Variants in SFXN5 observed in about 807,000 individuals in gnomAD.
SFXN5 encodes sideroflexin 5.
SFXN5 carries 43 observed loss-of-function variants against 50.2 expected under a neutral mutation model. The ratio of observed to expected loss-of-function variants is 0.86; its 90% CI spans 0.67 to 1.11. The LOEUF is 1.11. SFXN5 is among the 50% of genes least tolerant of loss of function. SFXN5 has a pLI of 0.00. For missense variants in SFXN5, 463 were observed against 454.1 expected (o/e 1.02, Z -0.18); for synonymous variants, 203 against 185.8 (o/e 1.09, Z -0.75).
Position 72,945,881 on chromosome 2 carries a change from G to A in SFXN5, c.946-782C>T, listed in dbSNP as rs554193372. On this transcript the variant is annotated intron_variant, in intron 13 of 13. Coordinates refer to ENST00000272433, the MANE Select transcript of SFXN5 (RefSeq NM_144579.3). The surrounding 1 kb of genome is among the most constrained non-coding windows in gnomAD (Gnocchi z 5.8). ...TCAGCTCCCTCGCCCACTCTCCAGA[G>A]GCCACTGGATACCTGCTCTGCTCTC... 2.0e-3 allele frequency among the ~76,000 whole-genome samples: 310 copies of A among 151,616 alleles called. 2 individuals carry two copies. Among genetic ancestry groups the A allele is most frequent in the African/African-American group, 3.3e-3 (137 of 41,292 alleles).
chr2:73,058,279 G>T, intron 2 of SFXN5: 2 of 401,614 alleles, frequency 5.0e-6, no homozygotes, highest in Non-Finnish European at 4.5e-6. Context: ...CTATCTTAAA[G>T]GGTTGTTGTG....
intron 6 of SFXN5, among the ~76,000 whole-genome samples, chr2:73,004,264 T>C (rs947534618): frequency 6.0e-5 from 9 of 150,958 alleles, no homozygotes; most frequent in Non-Finnish European, 1.3e-4. Flanking sequence ...ACGTACCAAG[T>C]TCCTTGCTGC....
chr2:73,040,550 C>A (rs1007743253), intron 3 of SFXN5, among the ~76,000 whole-genome samples: 4 of 152,208 alleles, frequency 2.6e-5, no homozygotes, highest in Non-Finnish European at 5.9e-5. Context: ...CCCACTGTGT[C>A]ATCCCTGATC....
chr2:72,971,554 G>A lies in SFXN5; in HGVS notation c.741+16C>T, dbSNP rs1406907372. 25 of 1,605,182 alleles carry A rather than the reference G, an allele frequency of 1.6e-5. No individual in the cohort carries two copies. In the East Asian group the frequency reaches 1.8e-4, roughly 11 times the overall value. On this transcript the variant is annotated intron_variant, in intron 11 of 13. Transcript: ENST00000272433. ...CTGTTGCTGGCCTCCCCAACCCTGC[G>A]AACCCCCAGACCCACGTGTCGGGCT...
At chr2:72,998,719 G>A in intron 9 of SFXN5, 1 of 553,084 alleles carries the variant, frequency 1.8e-6, no homozygotes, top group East Asian at 3.0e-5. Flanking sequence ...GTGCCCCCAG[G>A]CACAACCTCA....
chr2:73,001,617 G>C (rs1673926471), intron 6 of SFXN5, 39 bp from the exon 7 acceptor site: 1 of 1,604,494 alleles, frequency 6.2e-7, no homozygotes, highest in African/African-American at 1.3e-5. Context: ...AAAGGCAGAA[G>C]AAACATCCTA....
intron 3 of SFXN5, among the ~76,000 whole-genome samples, chr2:73,026,027 C>T (rs1677501297): frequency 6.6e-6 from 1 of 152,150 alleles, no homozygotes; most frequent in African/African-American, 2.4e-5. Flanking sequence ...AGAAAGGCTC[C>T]CAGAGAAATG....
intron 3 of SFXN5, among the ~76,000 whole-genome samples, chr2:73,030,582 T>C (rs766491331): frequency 6.6e-6 from 1 of 152,140 alleles, no homozygotes; most frequent in Non-Finnish European, 1.5e-5. Context: ...ATCGCCATCA[T>C]CCATCTCCAA....
chr2:73,023,146 G>A (rs766098024), intron 4 of SFXN5, 42 bp downstream of exon 4: 17 of 1,589,642 alleles, frequency 1.1e-5, no homozygotes, highest in Non-Finnish European at 1.2e-5. Context: ...TGGAGTCCAG[G>A]ACAACACGGA....
Position 72,988,343 on chromosome 2 carries a change from G to A in SFXN5, c.540C>T (p.Gly180=). 1 of 1,613,640 alleles carries A rather than the reference G, an allele frequency of 6.2e-7. No homozygotes were observed. The highest frequency in any genetic ancestry group is 8.5e-7 in the Non-Finnish European group (1 of 1,179,744). Reference sequence around the variant, plus strand: ...TGGCTTTCTGAACCAGGACATTAAGGCCCACCTTTGAAAGAAAAAAATAAA... The same window carrying A: ...TGGCTTTCTGAACCAGGACATTAAGACCCACCTTTGAAAGAAAAAAATAAA... ...AVISAVSIAV[G]LNVLVQKANK... is the part of the protein sequence containing the mutation. Residue 180 remains glycine (G), a synonymous_variant, in exon 10 of 14, where the codon GGC becomes GGT. Coordinates refer to ENST00000272433, the MANE Select transcript of SFXN5 (RefSeq NM_144579.3).
Position 72,988,240 on chromosome 2 carries a change from G to A in SFXN5, c.625+18C>T, listed in dbSNP as rs761993956. On this transcript the variant is annotated intron_variant, in intron 10 of 13. Transcript: ENST00000272433. ...ACACCCACCCACAGCACACATCTAT[G>A]TGGTGTGCAGGTCTTACCTACAGCA... is the stretch of plus-strand genomic sequence containing the variant. 8 of 1,611,700 alleles carry A rather than the reference G, an allele frequency of 5.0e-6. No homozygotes were observed. The East Asian group carries it at 1.6e-4, about 31-fold the overall frequency.
chr2:73,047,275 T>TATATATATAC (rs1300799277), intron 2 of SFXN5, among the ~76,000 whole-genome samples: 4 of 51,744 alleles, frequency 7.7e-5, no homozygotes, highest in African/African-American at 1.6e-4. Context: ...TATATATATA[T>TATATATATAC]ACACACATAT....
chr2:73,000,348 T>C (rs770066187), intron 8 of SFXN5, 83 bp downstream of exon 8: 56 of 1,325,286 alleles, frequency 4.2e-5, no homozygotes, highest in Non-Finnish European at 5.7e-5. Context: ...CAGCCACTGA[T>C]GGTGGCATGT....
At chr2:73,036,273 G>A (rs949434278) in intron 3 of SFXN5, among the ~76,000 whole-genome samples, 2 of 152,242 alleles carry the variant, frequency 1.3e-5, no homozygotes, top group African/African-American at 4.8e-5. Context: ...GAGGCCAGAG[G>A]AAGGTGTAGA....
chr2:73,048,613 T>C (rs1242050184), intron 2 of SFXN5, among the ~76,000 whole-genome samples: 1 of 152,234 alleles, frequency 6.6e-6, no homozygotes, highest in Non-Finnish European at 1.5e-5. Context: ...CTTTAGACTT[T>C]TATATGTCTT....
At chr2:72,962,080 T>G (rs1022680187) in intron 12 of SFXN5, among the ~76,000 whole-genome samples, 1 of 152,232 alleles carries the variant, frequency 6.6e-6, no homozygotes, top group Admixed American at 6.5e-5. Context: ...GTGCCTGCAC[T>G]GTGTTCATCG....
Position 72,974,692 on chromosome 2 carries a change from G to C in SFXN5, c.626-3007C>G, listed in dbSNP as rs142059454. Among the ~76,000 whole-genome samples the C allele has an allele frequency of 1.7e-3, 266 of 152,298 alleles. 1 individual carries two copies. The highest frequency in any genetic ancestry group is 5.9e-3 in the African/African-American group (247 of 41,566). On this transcript the variant is annotated intron_variant, in intron 10 of 13. Transcript: ENST00000272433. ...ATCCATGCCCTTGGGCAGTGGGAAT[G>C]CCAGCCTGTTACAGTGATTTCATTT...
rs962177457 is a variant in SFXN5, at chr2:73,041,057, G to A, written c.172-126C>T. ...GGCTTTGGGCCTGCCCTCAGTTCAT[G>A]GGACACACACAAAATCATATAGAAA... On this transcript the variant is annotated intron_variant, in intron 2 of 13. Transcript: ENST00000272433. 3 of 612,042 alleles carry A rather than the reference G, an allele frequency of 4.9e-6. No individual in the cohort carries two copies. In the Admixed American group the frequency reaches 9.8e-5, roughly 20 times the overall value. The allele number at this position is 612,042 out of a possible 1,614,324, so 37.9% of individuals were successfully genotyped here.
chr2:72,960,043 T>C lies in SFXN5; in HGVS notation c.945+1088A>G, dbSNP rs1416260406. On this transcript the variant is annotated intron_variant, in intron 13 of 13. Transcript: ENST00000272433. The surrounding 1 kb of genome is among the most constrained non-coding windows in gnomAD (Gnocchi z 6.1). ...GCCCCCCACCCACCCTGATCACACA[T>C]GGCCCGGATCTGCCCTCACCACCCT... Among the ~76,000 whole-genome samples, 2 of 150,994 alleles carry C rather than the reference T, an allele frequency of 1.3e-5. No individual in the cohort carries two copies. Among genetic ancestry groups the C allele is most frequent in the Non-Finnish European group, 3.0e-5 (2 of 67,736 alleles).
Sources: gnomAD v4.1 joint callset for allele counts (sites outside exome capture counted in the v4.1 genomes callset) on GRCh38, gnomAD v4.1.1 for gene constraint, Gnocchi (gnomAD v3.1) non-coding constraint, MANE v1.5 for transcripts, NCBI Gene and HGNC (gene_info 2026-07-23, HGNC 2026-07-21) for gene names.